Variants in RRM1 observed in about 807,000 individuals in gnomAD.
The protein encoded by RRM1 is ribonucleotide reductase catalytic subunit M1.
In RRM1, 19 loss-of-function variants were observed where a neutral mutation model predicts 101.5. The ratio of observed to expected loss-of-function variants is 0.19; its 90% CI spans 0.13 to 0.27. The LOEUF is 0.27. Among genes scored for constraint, RRM1 ranks in the 10% least tolerant of loss-of-function variants. The pLI, the probability that RRM1 is intolerant of heterozygous loss-of-function variation, is 1.00. For synonymous variants in RRM1, 298 were observed against 323.4 expected (o/e 0.92, Z 0.84); for missense variants, 500 against 962.9 (o/e 0.52, Z 6.36).
chr11:4,120,944 G>A (rs910072212), intron 9 of RRM1, among the ~76,000 whole-genome samples: 1 of 152,162 alleles, frequency 6.6e-6, no homozygotes, highest in Non-Finnish European at 1.5e-5. Context: ...GCTTGAGCCC[G>A]GTAGGCAGGA....
intron 4 of RRM1, 150 bp downstream of exon 4, chr11:4,107,685 T>C (rs2133292612): frequency 1.7e-6 from 1 of 594,656 alleles, no homozygotes; most frequent in Middle Eastern, 4.5e-4. Flanking sequence ...AGAAACAACT[T>C]TATCATTTTA....
intron 7 of RRM1, among the ~76,000 whole-genome samples, chr11:4,115,503 A>G (rs968112125): frequency 6.8e-6 from 1 of 146,144 alleles, no homozygotes; most frequent in East Asian, 2.0e-4. Flanking sequence ...TGGAGGGAGC[A>G]CTCCAAAAAA....
chr11:4,098,994 C>T (rs188569207), intron 1 of RRM1, among the ~76,000 whole-genome samples: 79 of 152,206 alleles, frequency 5.2e-4, no homozygotes, highest in African/African-American at 1.8e-3. Flanking sequence ...TGAACATTCT[C>T]GGCAGAGGGA....
intron 1 of RRM1, among the ~76,000 whole-genome samples, chr11:4,098,406 C>T (rs1024127388): frequency 2.2e-5 from 3 of 138,094 alleles, no homozygotes; most frequent in Non-Finnish European, 4.8e-5. Context: ...CCCCTCCCTC[C>T]GTCCCTTCCT....
chr11:4,094,971 A>G lies in RRM1; in HGVS notation c.-42A>G, dbSNP rs963050566. The G allele has an allele frequency of 3.9e-6, 6 of 1,553,970 alleles. No individual in the cohort carries two copies. Among genetic ancestry groups the G allele is most frequent in the Non-Finnish European group, 5.2e-6 (6 of 1,148,436 alleles). On this transcript the variant is annotated 5_prime_UTR_variant, in exon 1 of 19. Coordinates refer to ENST00000300738, the MANE Select transcript of RRM1 (RefSeq NM_001033.5). Reference sequence around the variant, plus strand: ...GATCCCGCCGGCGCTTTAGAGCCGCAGTCCAGTCTTGGATCCTTCAGAGCC... The same window carrying G: ...GATCCCGCCGGCGCTTTAGAGCCGCGGTCCAGTCTTGGATCCTTCAGAGCC...
At position 4,111,984 on chromosome 11, in the gene RRM1, ATCT is replaced by A; in HGVS notation, c.577_579del (p.Leu193del). On this transcript the variant is annotated inframe_deletion, in exon 7 of 19. Transcript: ENST00000300738. ...ATTGATGCAGCAATTGAAACATATAATCTTCTTTCTGAGAGGTGGTTTACTCAT... is the reference window on the plus strand; with the variant it reads ...ATTGATGCAGCAATTGAAACATATAATCTTTCTGAGAGGTGGTTTACTCAT... 1.2e-6 allele frequency: 2 copies of A among 1,614,052 alleles called. No individual in the cohort carries two copies. The highest frequency in any genetic ancestry group is 2.2e-5 in the East Asian group (1 of 44,882).
rs796301467 is a variant in RRM1 at position 4,101,566 on chromosome 11, C to A, written c.20-427C>A. ...TGACCTCCAGTGATCCACACCCCCC[C>A]CCGCTCCCTTGGCCTCCCAAAGTGC... On this transcript the variant is annotated intron_variant, in intron 1 of 18. Transcript: ENST00000300738. Among the ~76,000 whole-genome samples the A allele has an allele frequency of 5.5e-5, 7 of 127,138 alleles. 1 individual carries two copies. Among genetic ancestry groups the A allele is most frequent in the African/African-American group, 2.1e-4 (7 of 32,666 alleles). The allele number at this position is 127,138 out of a possible 152,430, so 83.4% of individuals were successfully genotyped here. A position where few individuals can be genotyped will look rare whatever the true frequency, so the allele number is the denominator to read the frequency against.
At chr11:4,105,243 T>G (rs2094556692) in intron 2 of RRM1, among the ~76,000 whole-genome samples, 1 of 152,184 alleles carries the variant, frequency 6.6e-6, no homozygotes. Context: ...TGTTCTTTGT[T>G]TGAGACAGGG....
intron 1 of RRM1, 29 bp downstream of exon 1, chr11:4,095,060 GA>G (rs1590706698): frequency 6.4e-7 from 1 of 1,562,450 alleles, no homozygotes; most frequent in Non-Finnish European, 8.7e-7. Flanking sequence ...GGGCGAGAAG[GA>G]AGGTGAGGGG....
chr11:4,120,887 C>T (rs1032879301), intron 9 of RRM1, among the ~76,000 whole-genome samples: 18 of 152,126 alleles, frequency 1.2e-4, no homozygotes, highest in Admixed American at 1.1e-3. Flanking sequence ...GGTGTGGTGG[C>T]GAACGCCTGT....
Position 4,099,455 on chromosome 11 carries a change from T to G in RRM1, c.20-2538T>G, listed in dbSNP as rs1447578382. 2.6e-5 allele frequency: 4 copies of G among 152,014 alleles called. No individual in the cohort carries two copies. The East Asian group carries it at 7.7e-4, about 29-fold the overall frequency. 9.4% of individuals were successfully genotyped at this position (152,014 alleles called of 1,614,324 possible). A position where few individuals can be genotyped will look rare whatever the true frequency, so the allele number is the denominator to read the frequency against. On this transcript the variant is annotated intron_variant, in intron 1 of 18. Coordinates refer to ENST00000300738, the MANE Select transcript of RRM1 (RefSeq NM_001033.5). Reference sequence around the variant, plus strand: ...CCATGCCCTGCTGGCTAGAGGATTTTAAAAGAGGAAAAGGTCAGTGTGAGT... The same window carrying G: ...CCATGCCCTGCTGGCTAGAGGATTTGAAAAGAGGAAAAGGTCAGTGTGAGT...
chr11:4,136,148 T>G (rs1216687997), intron 18 of RRM1, among the ~76,000 whole-genome samples: 1 of 151,992 alleles, frequency 6.6e-6, no homozygotes, highest in Non-Finnish European at 1.5e-5. Flanking sequence ...TTTTTGAGAG[T>G]ACTCCTAGAG....
chr11:4,095,117 CCTTCGCTGCTT>C, intron 1 of RRM1, 86 bp downstream of exon 1: 3 of 1,446,666 alleles, frequency 2.1e-6, no homozygotes, highest in Non-Finnish European at 2.8e-6. Context: ...CGCCCGCCCG[CCTTCGCTGCTT>C]CCCGCCTTTC....
chr11:4,099,274 G>C (rs2094547554), intron 1 of RRM1: 2 of 145,714 alleles, frequency 1.4e-5, no homozygotes, highest in Non-Finnish European at 3.0e-5. Context: ...CGAGTAGCTG[G>C]GATTACAGCA....
intron 15 of RRM1, among the ~76,000 whole-genome samples, chr11:4,130,080 ATATATATTTTTTTT>A (rs1805545541): frequency 5.2e-5 from 5 of 96,392 alleles, no homozygotes; most frequent in Admixed American, 2.0e-4. Flanking sequence ...ATATATATAT[ATATATATTTTTTTT>A]TTTTTTTTTT....
intron 13 of RRM1, 77 bp downstream of exon 13, chr11:4,126,910 T>A: frequency 1.4e-6 from 2 of 1,436,492 alleles, no homozygotes; most frequent in Non-Finnish European, 1.9e-6. Context: ...CTTCAAGTCA[T>A]CATTTAAATG....
At chr11:4,108,621 A>AAG (rs2094561494) in intron 4 of RRM1, among the ~76,000 whole-genome samples, 1 of 150,830 alleles carries the variant, frequency 6.6e-6, no homozygotes, top group Non-Finnish European at 1.5e-5. Context: ...AAAAAAAAGA[A>AAG]TGATTAATTG....
rs2094584588 is a variant in RRM1, at chr11:4,123,291, T to C, written c.1227T>C (p.Asp409=). 2 of 1,613,970 alleles carry C rather than the reference T, an allele frequency of 1.2e-6. No individual in the cohort carries two copies. ...ETGTPYMLYK[D]SCNRKSNQQN... is the part of the protein sequence containing the mutation. ...GCACCCCGTATATGCTCTACAAAGA[T>C]TCCTGTAATCGAAAGAGCAACCAGC... The change falls in exon 12 of 19, where the codon GAT becomes GAC. Residue 409 remains aspartate (D), a synonymous_variant. Transcript: ENST00000300738.
intron 15 of RRM1, among the ~76,000 whole-genome samples, chr11:4,131,320 C>T (rs562376976): frequency 8.5e-5 from 13 of 152,282 alleles, no homozygotes; most frequent in East Asian, 3.9e-4. Flanking sequence ...CCTCCCGTAA[C>T]GTGGGGATTA....
Sources: gnomAD v4.1 joint callset for allele counts (sites outside exome capture counted in the v4.1 genomes callset) on GRCh38, gnomAD v4.1.1 for gene constraint, MANE v1.5 for transcripts, NCBI Gene and HGNC (gene_info 2026-07-23, HGNC 2026-07-21) for gene names.